The following CTNNBL1 variants were observed in gnomAD, a reference collection of about 807,000 sequenced individuals.
CTNNBL1 encodes the protein beta-catenin-like protein 1.
A neutral mutation model predicts 72.7 loss-of-function variants in CTNNBL1; 31 were observed. That is an observed-to-expected ratio of 0.43 (90% confidence interval 0.32 to 0.58). The LOEUF is 0.58. Ranked by LOEUF, CTNNBL1 falls within the 20% of genes least tolerant of loss-of-function variation. The pLI is 0.08. For missense variants in CTNNBL1, 534 were observed against 725.1 expected, an observed-to-expected ratio of 0.74 and a Z score of 3.03; for synonymous variants, 240 against 267.3, an observed-to-expected ratio of 0.90 and a Z score of 1.00.
At chr20:37,849,884 G>A (rs571718869) in intron 13 of CTNNBL1, among the ~76,000 whole-genome samples, 2 of 152,362 alleles carry the variant, frequency 1.3e-5, no homozygotes, top group Admixed American at 1.3e-4. Context: ...GAGAATAACA[G>A]TACCTATCAT....
Position 37,746,538 on chromosome 20 carries a change from C to T in CTNNBL1, c.397C>T (p.Leu133=), listed in dbSNP as rs1600459999. 6.2e-7 allele frequency: 1 copy of T among 1,614,144 alleles called. No homozygotes were observed. Among genetic ancestry groups the T allele is most frequent in the Admixed American group, 1.7e-5 (1 of 60,020 alleles). ...GCACGTGGTGGCCACCATGCCAGAC[C>T]TGTACCACCTTCTGGTGGAGCTGAA... ...EMHVVATMPD[L]YHLLVELNAV... is the part of the protein sequence containing the mutation. The change falls in exon 4 of 16, where the codon CTG becomes TTG. Residue 133 remains leucine (L), a synonymous_variant. Transcript: ENST00000361383.
At chr20:37,860,073 C>T in intron 14 of CTNNBL1, 37 bp downstream of exon 14, 1 of 1,604,072 alleles carries the variant, frequency 6.2e-7, no homozygotes, top group Non-Finnish European at 8.5e-7. Context: ...TTATCCATCC[C>T]TGCCTCCTTC....
In CTNNBL1 at chr20:37,802,906, G is replaced by A. The variant is rs1451696520; in HGVS notation, c.1071G>A (p.Leu357=). The change falls in exon 11 of 16, where the codon CTG becomes CTA. Residue 357 remains leucine (L), a synonymous_variant. Coordinates refer to ENST00000361383, the MANE Select transcript of CTNNBL1 (RefSeq NM_030877.5). ...KISRSSALKV[L]DHAMIGPEGT... is the part of the protein sequence containing the mutation. ...CCCGGAGCAGTGCCCTGAAAGTGCT[G>A]GACCATGCCATGATTGGCCCCGAAG... 6.2e-7 allele frequency: 1 copy of A among 1,614,004 alleles called. No homozygotes were observed. The highest frequency in any genetic ancestry group is 8.5e-7 in the Non-Finnish European group (1 of 1,179,992).
chr20:37,781,023 A>G (rs1398451455), intron 10 of CTNNBL1, among the ~76,000 whole-genome samples: 1 of 152,170 alleles, frequency 6.6e-6, no homozygotes, highest in Non-Finnish European at 1.5e-5. Flanking sequence ...TGCATTGACC[A>G]AAAGTCTTCC....
intron 3 of CTNNBL1, among the ~76,000 whole-genome samples, chr20:37,746,143 A>G (rs1324186691): frequency 6.6e-6 from 1 of 152,202 alleles, no homozygotes; most frequent in African/African-American, 2.4e-5. Flanking sequence ...TTGCCACACC[A>G]AGGGGTAATG....
chr20:37,812,058 T>C (rs1457871679), intron 11 of CTNNBL1, among the ~76,000 whole-genome samples: 2 of 152,218 alleles, frequency 1.3e-5, no homozygotes. Context: ...AGATTGCTTT[T>C]GTAGGCAGAT....
At chr20:37,840,693 T>A (rs2122813374) in intron 12 of CTNNBL1, among the ~76,000 whole-genome samples, 1 of 152,262 alleles carries the variant, frequency 6.6e-6, no homozygotes, top group Admixed American at 6.5e-5. Context: ...ATGAAGATAA[T>A]GATAAGGAAA....
chr20:37,770,495 A>G (rs1437009261), intron 7 of CTNNBL1, among the ~76,000 whole-genome samples: 2 of 151,758 alleles, frequency 1.3e-5, no homozygotes, highest in African/African-American at 4.8e-5. Context: ...TTTCCAAGTT[A>G]CTTGAGACTT....
In CTNNBL1 at chr20:37,694,059, G is replaced by T; in HGVS notation, c.-64G>T. ...TTTACGGCAGTGTGGCTGGAGCCGC[G>T]GCTGACGGGCCCGCGGTCTGGGCGT... On this transcript the variant is annotated 5_prime_UTR_variant, in exon 1 of 16. Transcript: ENST00000361383. 3.8e-6 allele frequency: 6 copies of T among 1,567,296 alleles called. No individual in the cohort carries two copies. The highest frequency in any genetic ancestry group is 5.2e-6 in the Non-Finnish European group (6 of 1,153,584).
At chr20:37,833,904 T>A (rs962402601) in intron 11 of CTNNBL1, among the ~76,000 whole-genome samples, 44 of 152,164 alleles carry the variant, frequency 2.9e-4, no homozygotes, top group African/African-American at 1.1e-3. Context: ...TGTATATATG[T>A]GTAAATTTGG....
At chr20:37,804,363 A>G (rs2071933902) in intron 11 of CTNNBL1, among the ~76,000 whole-genome samples, 1 of 152,078 alleles carries the variant, frequency 6.6e-6, no homozygotes, top group African/African-American at 2.4e-5. Context: ...ACTATTCGCT[A>G]TCATATTTAA....
intron 1 of CTNNBL1, among the ~76,000 whole-genome samples, chr20:37,700,312 C>T (rs1317690120): frequency 2.6e-5 from 4 of 152,020 alleles, no homozygotes; most frequent in African/African-American, 9.7e-5. Flanking sequence ...AGAGACTAAG[C>T]CAGGAAAAAT....
intron 14 of CTNNBL1, 70 bp downstream of exon 14, chr20:37,860,106 TCTCA>T (rs3833308): frequency 0.76 from 1,188,701 of 1,568,472 alleles, 452,665 homozygotes; most frequent in Admixed American, 0.86. Flanking sequence ...TTAGGTGGAC[TCTCA>T]CTCAGGGAAA....
At chr20:37,863,488 G>A (rs2072509582) in intron 15 of CTNNBL1, among the ~76,000 whole-genome samples, 1 of 152,210 alleles carries the variant, frequency 6.6e-6, no homozygotes. Flanking sequence ...ATGTAAGCAG[G>A]GAGGGAGCCA....
At chr20:37,706,299 G>A (rs550854015) in intron 1 of CTNNBL1, among the ~76,000 whole-genome samples, 2 of 152,294 alleles carry the variant, frequency 1.3e-5, no homozygotes, top group African/African-American at 4.8e-5. Flanking sequence ...TTTCTCTGTA[G>A]CAAGCTGTGC....
intron 10 of CTNNBL1, among the ~76,000 whole-genome samples, chr20:37,788,607 C>T (rs2073698601): frequency 6.6e-6 from 1 of 152,246 alleles, no homozygotes. Flanking sequence ...TGGGCTCCTG[C>T]CCTGTTTGGC....
intron 15 of CTNNBL1, among the ~76,000 whole-genome samples, chr20:37,868,059 A>G (rs2122880115): frequency 6.6e-6 from 1 of 152,076 alleles, no homozygotes; most frequent in African/African-American, 2.4e-5. Context: ...ATTTCTGAGA[A>G]CCCTTCCAAC....
intron 1 of CTNNBL1, among the ~76,000 whole-genome samples, chr20:37,706,197 G>C (rs1220952272): frequency 6.6e-6 from 1 of 152,212 alleles, no homozygotes; most frequent in East Asian, 1.9e-4. Context: ...ACTGATTAGG[G>C]TGGTGTTTGC....
chr20:37,714,906 G>C (rs548210319), intron 1 of CTNNBL1, among the ~76,000 whole-genome samples: 1 of 152,094 alleles, frequency 6.6e-6, no homozygotes, highest in African/African-American at 2.4e-5. Context: ...TGAAATGGTG[G>C]TTATTTGTCC....
Sources: gnomAD v4.1 joint callset for allele counts (sites outside exome capture counted in the v4.1 genomes callset) on GRCh38, gnomAD v4.1.1 for gene constraint, MANE v1.5 for transcripts, NCBI Gene and HGNC (gene_info 2026-07-23, HGNC 2026-07-21) for gene names.